TASP1: variants seen among roughly 807,000 people sequenced by gnomAD.
The protein encoded by TASP1 is threonine aspartase 1.
A neutral mutation model predicts 56.6 loss-of-function variants in TASP1; 16 were observed. The ratio of observed to expected loss-of-function variants is 0.28; its 90% CI spans 0.19 to 0.43. The LOEUF (loss-of-function observed/expected upper bound fraction) is 0.43, where lower values mean the gene tolerates loss of function less well. TASP1 is among the 20% of genes least tolerant of loss of function. TASP1 has a pLI of 1.00. For synonymous variants in TASP1, 179 were observed against 184.2 expected (o/e 0.97, Z 0.23); for missense variants, 393 against 511.6 (o/e 0.77, Z 2.24).
intron 4 of TASP1, among the ~76,000 whole-genome samples, chr20:13,598,950 G>A (rs1224959696): frequency 6.6e-6 from 1 of 152,198 alleles, no homozygotes; most frequent in Non-Finnish European, 1.5e-5. Context: ...CTGCTCATCA[G>A]AGAAATGAAA....
At chr20:13,142,160 A>G in the TASP1 span, among the ~76,000 whole-genome samples, 1 of 152,188 alleles carries the variant, frequency 6.6e-6, no homozygotes, top group Non-Finnish European at 1.5e-5. Flanking sequence ...AGTTGATTTG[A>G]GTCTTTAAAA....
At chr20:13,613,194 T>C (rs1310171575) in intron 4 of TASP1, among the ~76,000 whole-genome samples, 5 of 152,140 alleles carry the variant, frequency 3.3e-5, no homozygotes, top group Non-Finnish European at 5.9e-5. Context: ...TAAGTTTTGG[T>C]ATAGTATTGA....
the TASP1 span, chr20:13,300,206 C>T: frequency 6.6e-6 from 1 of 152,072 alleles, no homozygotes; most frequent in Admixed American, 6.6e-5. Context: ...TTCTGCTAAA[C>T]GGCCCCAAAA....
the TASP1 span, among the ~76,000 whole-genome samples, chr20:13,360,248 C>T: frequency 6.1e-5 from 9 of 148,324 alleles, no homozygotes; most frequent in African/African-American, 1.5e-4. Flanking sequence ...AGCCTCTCTT[C>T]GCTTTCACTT....
the TASP1 span, among the ~76,000 whole-genome samples, chr20:13,272,920 G>T: frequency 2.0e-5 from 3 of 152,236 alleles, no homozygotes; most frequent in Non-Finnish European, 4.4e-5. Flanking sequence ...TCTGAAGCCT[G>T]CTGTGGCTAG....
At chr20:13,488,133 G>A (rs2043394756) in intron 10 of TASP1, among the ~76,000 whole-genome samples, 1 of 151,992 alleles carries the variant, frequency 6.6e-6, no homozygotes, top group Non-Finnish European at 1.5e-5. Context: ...AAAGAAAGAA[G>A]AAAGCACTAA....
chr20:13,492,506 G>C (rs527511943), intron 10 of TASP1, among the ~76,000 whole-genome samples: 9 of 152,166 alleles, frequency 5.9e-5, no homozygotes, highest in African/African-American at 1.9e-4. Context: ...TACCTTAAAA[G>C]TGATAGGACA....
chr20:13,589,302 C>A (rs571117934), intron 4 of TASP1, among the ~76,000 whole-genome samples: 44 of 152,208 alleles, frequency 2.9e-4, no homozygotes, highest in South Asian at 1.7e-3. Flanking sequence ...TCGTGATCCA[C>A]CCGCCTCAGC....
chr20:13,381,349 A>T, the TASP1 span, among the ~76,000 whole-genome samples: 1 of 152,084 alleles, frequency 6.6e-6, no homozygotes, highest in Non-Finnish European at 1.5e-5. Flanking sequence ...AACCCTTTGC[A>T]CTTCCCAGGT....
chr20:13,122,240 T>A, the TASP1 span, among the ~76,000 whole-genome samples: 1 of 152,168 alleles, frequency 6.6e-6, no homozygotes, highest in South Asian at 2.1e-4. Flanking sequence ...CTCAAGGAAG[T>A]TTCAGTCCCT....
At chr20:13,629,183 T>C (rs1436415925) in intron 2 of TASP1, among the ~76,000 whole-genome samples, 3 of 151,982 alleles carry the variant, frequency 2.0e-5, no homozygotes, top group Middle Eastern at 3.2e-3. Context: ...CTGGCCAATA[T>C]GGTGAAACCC....
intron 11 of TASP1, among the ~76,000 whole-genome samples, chr20:13,463,093 C>G (rs1359864581): frequency 2.0e-5 from 3 of 152,024 alleles, no homozygotes; most frequent in Non-Finnish European, 4.4e-5. Flanking sequence ...AAATTGGAGG[C>G]TTCACACTTC....
chr20:13,373,001 G>A, the TASP1 span, among the ~76,000 whole-genome samples: 1 of 151,994 alleles, frequency 6.6e-6, no homozygotes, highest in Non-Finnish European at 1.5e-5. Flanking sequence ...TCATTATAAT[G>A]AGTACTTAAT....
chr20:13,490,641 TATTC>T (rs1568869184), intron 10 of TASP1, among the ~76,000 whole-genome samples: 1 of 152,114 alleles, frequency 6.6e-6, no homozygotes, highest in African/African-American at 2.4e-5. Context: ...TTATTTACTC[TATTC>T]ATTCATTCTC....
the TASP1 span, among the ~76,000 whole-genome samples, chr20:13,358,990 T>C: frequency 1.1e-3 from 159 of 145,120 alleles, 2 homozygotes; most frequent in Non-Finnish European, 1.5e-3. Context: ...TGGGGCAGGG[T>C]CAAGTACCCC....
At chr20:13,121,227 G>A in the TASP1 span, among the ~76,000 whole-genome samples, 939 of 152,254 alleles carry the variant, frequency 6.2e-3, 8 homozygotes, top group African/African-American at 0.022. Flanking sequence ...TGAATGAAGC[G>A]ATGGTAGCCC....
chr20:13,563,439 C>T (rs1241107248), intron 7 of TASP1, among the ~76,000 whole-genome samples: 1 of 152,060 alleles, frequency 6.6e-6, no homozygotes, highest in Non-Finnish European at 1.5e-5. Context: ...TATCCTAATA[C>T]CAAAACCATA....
intron 8 of TASP1, among the ~76,000 whole-genome samples, chr20:13,555,685 T>G (rs2046133228): frequency 6.6e-6 from 1 of 152,190 alleles, no homozygotes; most frequent in Non-Finnish European, 1.5e-5. Context: ...CAAATGCCTA[T>G]GAATGTTGAT....
chr20:13,306,076 A>G, the TASP1 span, among the ~76,000 whole-genome samples: 1 of 132,114 alleles, frequency 7.6e-6, no homozygotes, highest in African/African-American at 3.0e-5. Flanking sequence ...TTGCCCTCAA[A>G]ATGAAAAAAA....
Sources: allele counts gnomAD v4.1 joint callset (sites outside exome capture counted in the v4.1 genomes callset), GRCh38; gene constraint gnomAD v4.1.1; transcripts MANE v1.5; gene names NCBI Gene and HGNC (gene_info 2026-07-23, HGNC 2026-07-21).